Variants in KCNH1 observed in about 807,000 individuals in gnomAD.
KCNH1 encodes the protein potassium voltage-gated channel subfamily H member 1.
Under a neutral mutation model 69.2 loss-of-function variants are expected in KCNH1, and 27 were observed. The ratio of observed to expected loss-of-function variants is 0.39; its 90% CI spans 0.29 to 0.54. The LOEUF is 0.54. Ranked by LOEUF, KCNH1 falls within the 20% of genes least tolerant of loss-of-function variation. The probability of loss-of-function intolerance (pLI) is 0.68; values close to 1 mark genes in which losing one functional copy is unlikely to be tolerated. For synonymous variants in KCNH1, 456 were observed against 487.7 expected (o/e 0.93, Z 0.86); for missense variants, 798 against 1,261.6 (o/e 0.63, Z 5.57).
In KCNH1 at chr1:210,678,338, A is replaced by G. The variant is rs1413854264; in HGVS notation, c.*4943T>C. On this transcript the variant is annotated 3_prime_UTR_variant, in exon 11 of 11. Coordinates refer to ENST00000271751, the MANE Select transcript of KCNH1 (RefSeq NM_172362.3). ...ATCATGTATAAAATAGTTTATTACC[A>G]TAATAAATAAAACTTTTTTTTTTTA... 1 of 149,472 alleles carries G rather than the reference A, an allele frequency of 6.7e-6. No individual in the cohort carries two copies. Among genetic ancestry groups the G allele is most frequent in the Non-Finnish European group, 1.5e-5 (1 of 66,982 alleles). The allele number at this position is 149,472 out of a possible 1,614,324, so 9.3% of individuals were successfully genotyped here.
At chr1:210,970,330 G>T (rs1688489554) in intron 6 of KCNH1, among the ~76,000 whole-genome samples, 1 of 146,396 alleles carries the variant, frequency 6.8e-6, no homozygotes, top group Non-Finnish European at 1.5e-5. Flanking sequence ...TGTTCTCATT[G>T]TTCAACTCCC....
At chr1:210,936,833 C>A (rs908766295) in intron 6 of KCNH1, among the ~76,000 whole-genome samples, 2 of 151,604 alleles carry the variant, frequency 1.3e-5, no homozygotes, top group Non-Finnish European at 3.0e-5. Flanking sequence ...CACTCCAACT[C>A]TGAAATCTTA....
chr1:210,739,436 G>A (rs2149036042), intron 10 of KCNH1, among the ~76,000 whole-genome samples: 1 of 152,338 alleles, frequency 6.6e-6, no homozygotes, highest in African/African-American at 2.4e-5. Context: ...GCAACAGCTA[G>A]AGGCCCCCAC....
intron 6 of KCNH1, among the ~76,000 whole-genome samples, chr1:211,011,426 T>C (rs372960873): frequency 1.3e-3 from 191 of 152,352 alleles, no homozygotes; most frequent in African/African-American, 4.4e-3. Context: ...TGAACAGTGC[T>C]GCAATAAACA....
chr1:210,923,608 C>A (rs1263164211), intron 6 of KCNH1, among the ~76,000 whole-genome samples: 1 of 152,228 alleles, frequency 6.6e-6, no homozygotes, highest in Non-Finnish European at 1.5e-5. Flanking sequence ...GCTCAGCATT[C>A]CTGTTTTGCA....
At chr1:210,685,907 C>A (rs1190865514) in intron 10 of KCNH1, among the ~76,000 whole-genome samples, 2 of 152,190 alleles carry the variant, frequency 1.3e-5, no homozygotes, top group Non-Finnish European at 2.9e-5. Flanking sequence ...GACTAGAGGC[C>A]CACGTCTATG....
intron 6 of KCNH1, among the ~76,000 whole-genome samples, chr1:210,963,309 A>G (rs571111351): frequency 6.6e-5 from 10 of 152,278 alleles, no homozygotes; most frequent in African/African-American, 2.4e-4. Flanking sequence ...CCAAAGGTAG[A>G]TAAATCCACG....
intron 7 of KCNH1, among the ~76,000 whole-genome samples, chr1:210,864,022 A>G (rs1686046509): frequency 6.6e-6 from 1 of 152,240 alleles, no homozygotes; most frequent in Non-Finnish European, 1.5e-5. Context: ...GGATCAGTGC[A>G]GGATGGAACA....
At chr1:210,860,612 C>G in intron 7 of KCNH1, 1 of 812,584 alleles carries the variant, frequency 1.2e-6, no homozygotes, top group Non-Finnish European at 2.2e-6. Context: ...TTGGTAAGGT[C>G]ATCATTTTCT....
chr1:211,119,094 C>T (rs1691639648), intron 1 of KCNH1, among the ~76,000 whole-genome samples: 1 of 152,232 alleles, frequency 6.6e-6, no homozygotes, highest in African/African-American at 2.4e-5. Context: ...GGCGCGGTGG[C>T]TCATGCCTGT....
At chr1:210,917,403 C>T (rs181311951) in intron 7 of KCNH1, among the ~76,000 whole-genome samples, 10 of 151,550 alleles carry the variant, frequency 6.6e-5, no homozygotes, top group Non-Finnish European at 1.3e-4. Context: ...AGAAAAGAGG[C>T]GGTAAATAAT....
chr1:210,782,513 G>T (rs536480103), intron 9 of KCNH1, among the ~76,000 whole-genome samples: 96 of 152,248 alleles, frequency 6.3e-4, no homozygotes, highest in African/African-American at 2.2e-3. Flanking sequence ...AGCACTTGAG[G>T]TCAGGAGTTT....
chr1:210,898,788 A>G (rs1421162097), intron 7 of KCNH1, among the ~76,000 whole-genome samples: 1 of 152,166 alleles, frequency 6.6e-6, no homozygotes, highest in Non-Finnish European at 1.5e-5. Flanking sequence ...CTCCTGTATC[A>G]AATTGCCACA....
chr1:210,750,040 G>A (rs1558453770), intron 10 of KCNH1, among the ~76,000 whole-genome samples: 1 of 152,172 alleles, frequency 6.6e-6, no homozygotes, highest in African/African-American at 2.4e-5. Context: ...GCCGCGTCCA[G>A]CTGGCTGCTT....
intron 7 of KCNH1, among the ~76,000 whole-genome samples, chr1:210,834,701 A>G (rs1390236260): frequency 1.4e-5 from 2 of 147,078 alleles, no homozygotes; most frequent in Non-Finnish European, 3.0e-5. Flanking sequence ...AAAAAAAAAG[A>G]ACTCCTAATC....
rs182738315 is a variant in KCNH1 at position 210,702,443 on chromosome 1, T to C, written c.2113-18305A>G. Among the ~76,000 whole-genome samples, 108 of 152,364 alleles carry C rather than the reference T, an allele frequency of 7.1e-4. 1 individual carries two copies. The highest frequency in any genetic ancestry group is 4.3e-3 in the Admixed American group (66 of 15,304). On this transcript the variant is annotated intron_variant, in intron 10 of 10. Coordinates refer to ENST00000271751, the MANE Select transcript of KCNH1 (RefSeq NM_172362.3). ...CTTTTTATCTTCTATAAGATTTCTTTGACTGCATTTTCCAGACTTTTATTA... is the reference window on the plus strand; with the variant it reads ...CTTTTTATCTTCTATAAGATTTCTTCGACTGCATTTTCCAGACTTTTATTA...
At chr1:210,840,118 C>A (rs995508607) in intron 7 of KCNH1, among the ~76,000 whole-genome samples, 1 of 152,130 alleles carries the variant, frequency 6.6e-6, no homozygotes, top group Non-Finnish European at 1.5e-5. Flanking sequence ...AGGTCAAAGA[C>A]AAAATGTCTC....
intron 6 of KCNH1, among the ~76,000 whole-genome samples, chr1:211,015,745 A>G (rs915214430): frequency 1.3e-5 from 2 of 152,240 alleles, no homozygotes. Context: ...ACCATGATCC[A>G]GAAAGGCTAA....
chr1:211,068,428 C>T (rs1394348118), intron 5 of KCNH1, among the ~76,000 whole-genome samples: 2 of 151,960 alleles, frequency 1.3e-5, no homozygotes, highest in Non-Finnish European at 2.9e-5. Flanking sequence ...CGGAGTCTTG[C>T]TCTGTCGCCC....
Sources: gnomAD v4.1 joint callset for allele counts (sites outside exome capture counted in the v4.1 genomes callset) on GRCh38, gnomAD v4.1.1 for gene constraint, MANE v1.5 for transcripts, NCBI Gene and HGNC (gene_info 2026-07-23, HGNC 2026-07-21) for gene names.